Variants in SMG6 observed in about 807,000 individuals in gnomAD.
The protein encoded by SMG6 is telomerase-binding protein EST1A.
SMG6 carries 66 observed loss-of-function variants against 142.2 expected under a neutral mutation model. That is an observed-to-expected ratio of 0.46 (90% CI 0.38 to 0.57). The LOEUF is 0.57. Among genes scored for constraint, SMG6 ranks in the 20% least tolerant of loss-of-function variants. The pLI, the probability that SMG6 is intolerant of heterozygous loss-of-function variation, is 0.00. For synonymous variants in SMG6, 779 were observed against 702.4 expected (o/e 1.11, Z -1.72); for missense variants, 1,793 against 1,832.0 (o/e 0.98, Z 0.39).
At chr17:2,238,329 T>C (rs1027536431) in intron 9 of SMG6, among the ~76,000 whole-genome samples, 1 of 152,092 alleles carries the variant, frequency 6.6e-6, no homozygotes, top group Non-Finnish European at 1.5e-5. Flanking sequence ...CCATTTCAAG[T>C]ACCCACCCCT....
chr17:2,242,689 T>TAAAAAAAAAAAAAAAAAAAA (rs57079220), intron 9 of SMG6, among the ~76,000 whole-genome samples: 4 of 55,838 alleles, frequency 7.2e-5, no homozygotes, highest in East Asian at 5.1e-4. Flanking sequence ...TCCATCTCTT[T>TAAAAAAAAAAAAAAAAAAAA]AAAAAAAAAA....
chr17:2,124,054 A>G (rs1288054615), intron 13 of SMG6, among the ~76,000 whole-genome samples: 1 of 152,178 alleles, frequency 6.6e-6, no homozygotes, highest in East Asian at 1.9e-4. Flanking sequence ...CCCAAATCAG[A>G]CTGCACACAC....
At chr17:2,257,025 G>A (rs982890134) in intron 8 of SMG6, among the ~76,000 whole-genome samples, 3 of 151,478 alleles carry the variant, frequency 2.0e-5, no homozygotes, top group Non-Finnish European at 2.9e-5. Flanking sequence ...GCCCAGGCTG[G>A]AGTACAGTGG....
At chr17:2,089,283 C>T (rs562030413) in intron 13 of SMG6, among the ~76,000 whole-genome samples, 2 of 152,110 alleles carry the variant, frequency 1.3e-5, no homozygotes, top group Non-Finnish European at 2.9e-5. Flanking sequence ...GCGGGAGAGG[C>T]TCCCTTCCTG....
In SMG6 at chr17:2,153,747, G is replaced by A. The variant is rs369858596; in HGVS notation, c.3357+18911C>T. Reference sequence around the variant, plus strand: ...GACGGTGACGGGGGAACCTGGGGATGCATCTAGAGTGTGACGGTGACTGGG... The same window carrying A: ...GACGGTGACGGGGGAACCTGGGGATACATCTAGAGTGTGACGGTGACTGGG... On this transcript the variant is annotated intron_variant, in intron 13 of 18. Coordinates refer to ENST00000263073, the MANE Select transcript of SMG6 (RefSeq NM_017575.5). Among the ~76,000 whole-genome samples, 6 of 142,576 alleles carry A rather than the reference G, an allele frequency of 4.2e-5. No homozygotes were observed. In the East Asian group the frequency reaches 1.0e-3, roughly 25 times the overall value. The allele number at this position is 142,576 out of a possible 152,430, so 93.5% of individuals were successfully genotyped here.
intron 9 of SMG6, among the ~76,000 whole-genome samples, chr17:2,242,487 G>A (rs1336058246): frequency 1.3e-5 from 2 of 150,382 alleles, no homozygotes; most frequent in Admixed American, 6.6e-5. Context: ...CGGAGATCGC[G>A]CCACTGCACT....
intron 13 of SMG6, chr17:2,127,468 G>GT (rs1457645376): frequency 4.8e-6 from 4 of 840,938 alleles, no homozygotes; most frequent in Non-Finnish European, 7.9e-6. Flanking sequence ...TGTTAGGCAC[G>GT]TAAATATAGA....
intron 8 of SMG6, among the ~76,000 whole-genome samples, chr17:2,263,652 T>A (rs972049180): frequency 2.6e-5 from 4 of 152,114 alleles, no homozygotes; most frequent in Non-Finnish European, 4.4e-5. Context: ...AGAGAGTCTA[T>A]CCACTCATAC....
intron 8 of SMG6, chr17:2,265,932 C>T (rs1422431297): frequency 1.1e-6 from 1 of 945,194 alleles, no homozygotes; most frequent in Non-Finnish European, 1.3e-6. Flanking sequence ...AGCCTTACCA[C>T]CTAAGAACTG....
intron 13 of SMG6, among the ~76,000 whole-genome samples, chr17:2,103,445 A>G (rs2069067029): frequency 6.6e-6 from 1 of 152,222 alleles, no homozygotes; most frequent in Non-Finnish European, 1.5e-5. Context: ...ATTAGCACAG[A>G]GCTCCCCTCT....
chr17:2,165,258 C>T (rs1483776876), intron 13 of SMG6, among the ~76,000 whole-genome samples: 2 of 150,560 alleles, frequency 1.3e-5, no homozygotes, highest in East Asian at 1.9e-4. Context: ...CAGGACACTG[C>T]AGTATCATTT....
intron 10 of SMG6, among the ~76,000 whole-genome samples, chr17:2,195,976 G>A (rs2072312243): frequency 6.6e-6 from 1 of 152,172 alleles, no homozygotes; most frequent in Non-Finnish European, 1.5e-5. Flanking sequence ...CCACAGTGCT[G>A]CACAAAGAGC....
At chr17:2,112,752 A>G (rs911539111) in intron 13 of SMG6, among the ~76,000 whole-genome samples, 2 of 150,520 alleles carry the variant, frequency 1.3e-5, no homozygotes, top group Admixed American at 6.6e-5. Flanking sequence ...AATGAGCTCC[A>G]AACTTTTTTT....
At chr17:2,251,206 A>C (rs933764547) in intron 8 of SMG6, among the ~76,000 whole-genome samples, 7 of 152,038 alleles carry the variant, frequency 4.6e-5, no homozygotes, top group Non-Finnish European at 7.4e-5. Context: ...ATAATCATTC[A>C]GTAAAGACAG....
At chr17:2,236,740 CA>C in intron 9 of SMG6, 103 bp from the exon 10 acceptor site, 3 of 1,063,102 alleles carry the variant, frequency 2.8e-6, no homozygotes, top group Admixed American at 3.7e-5. Flanking sequence ...CACACACACA[CA>C]CACACACACA....
At chr17:2,090,365 C>T (rs750603372) in intron 13 of SMG6, among the ~76,000 whole-genome samples, 19 of 151,764 alleles carry the variant, frequency 1.3e-4, no homozygotes, top group Non-Finnish European at 2.2e-4. Flanking sequence ...TAAGAGAGAA[C>T]GGGAACTAAG....
At chr17:2,246,584 T>C (rs2073932364) in intron 8 of SMG6, among the ~76,000 whole-genome samples, 1 of 152,222 alleles carries the variant, frequency 6.6e-6, no homozygotes, top group Non-Finnish European at 1.5e-5. Context: ...AAGCTCAGAA[T>C]ATTTCATTGA....
At chr17:2,177,732 G>A (rs1355785432) in intron 12 of SMG6, among the ~76,000 whole-genome samples, 1 of 152,198 alleles carries the variant, frequency 6.6e-6, no homozygotes, top group Non-Finnish European at 1.5e-5. Flanking sequence ...AAACAAGTTG[G>A]GTCTTCTGGT....
intron 2 of SMG6, 121 bp from the exon 3 acceptor site, chr17:2,298,176 T>C (rs1024025312): frequency 5.0e-6 from 4 of 797,190 alleles, no homozygotes; most frequent in African/African-American, 3.5e-5. Flanking sequence ...TGTGACCAGG[T>C]AGGTATACTA....
Sources: allele counts gnomAD v4.1 joint callset (sites outside exome capture counted in the v4.1 genomes callset), GRCh38; gene constraint gnomAD v4.1.1; transcripts MANE v1.5; gene names NCBI Gene and HGNC (gene_info 2026-07-23, HGNC 2026-07-21).